The following DSCAM variants were observed in gnomAD, a reference collection of about 807,000 sequenced individuals.
DSCAM encodes cell adhesion molecule DSCAM.
A neutral mutation model predicts 217.7 loss-of-function variants in DSCAM; 47 were observed. That is an observed-to-expected ratio of 0.22 (90% confidence interval 0.17 to 0.28). The LOEUF is 0.28. Among genes scored for constraint, DSCAM ranks in the 10% least tolerant of loss-of-function variants. The pLI, the probability that DSCAM is intolerant of heterozygous loss-of-function variation, is 1.00. For synonymous variants in DSCAM, 1,056 were observed against 1,015.3 expected (o/e 1.04, Z -0.76); for missense variants, 2,080 against 2,618.3 (o/e 0.79, Z 4.49).
intron 30 of DSCAM, among the ~76,000 whole-genome samples, chr21:40,051,028 C>A (rs2088922539): frequency 6.6e-6 from 1 of 152,180 alleles, no homozygotes; most frequent in South Asian, 2.1e-4. Context: ...AATGGGTTTA[C>A]TTCATAAAGC....
chr21:40,671,747 T>C (rs1257016094), intron 3 of DSCAM, among the ~76,000 whole-genome samples: 8 of 142,766 alleles, frequency 5.6e-5, no homozygotes, highest in Non-Finnish European at 1.1e-4. Context: ...ATAGTTTAAA[T>C]TTATAAAAAT....
At chr21:40,801,777 G>A (rs372688395) in intron 1 of DSCAM, among the ~76,000 whole-genome samples, 3 of 152,306 alleles carry the variant, frequency 2.0e-5, no homozygotes, top group African/African-American at 7.2e-5. Context: ...TGCATGTGGT[G>A]CTAATTCTCA....
intron 1 of DSCAM, among the ~76,000 whole-genome samples, chr21:40,768,310 G>A (rs898533706): frequency 7.2e-5 from 11 of 151,738 alleles, no homozygotes; most frequent in African/African-American, 1.7e-4. Flanking sequence ...ATTACCTTAC[G>A]GTGACACCCC....
At chr21:40,389,397 G>A (rs1382516379) in intron 3 of DSCAM, among the ~76,000 whole-genome samples, 1 of 152,174 alleles carries the variant, frequency 6.6e-6, no homozygotes, top group Admixed American at 6.5e-5. Flanking sequence ...CATCTGATTA[G>A]TGGGCACCAC....
intron 28 of DSCAM, among the ~76,000 whole-genome samples, chr21:40,060,115 A>G (rs950571932): frequency 1.3e-5 from 2 of 152,176 alleles, no homozygotes; most frequent in African/African-American, 2.4e-5. Flanking sequence ...CTTTTCAATC[A>G]CTTTGACCAT....
chr21:40,410,226 G>A (rs896940718), intron 3 of DSCAM, among the ~76,000 whole-genome samples: 3 of 152,138 alleles, frequency 2.0e-5, no homozygotes, highest in African/African-American at 7.2e-5. Context: ...AATTATCATT[G>A]GTTGGGATTA....
At chr21:40,332,015 G>A (rs1453512327) in intron 8 of DSCAM, among the ~76,000 whole-genome samples, 2 of 152,142 alleles carry the variant, frequency 1.3e-5, no homozygotes, top group African/African-American at 4.8e-5. Context: ...AGACACTCAG[G>A]TGCCACATCG....
intron 3 of DSCAM, among the ~76,000 whole-genome samples, chr21:40,563,966 G>C (rs983674395): frequency 2.6e-5 from 4 of 152,208 alleles, no homozygotes; most frequent in African/African-American, 9.6e-5. Context: ...AAGGGAGGCA[G>C]AGTGAGAGCA....
chr21:40,522,553 G>T (rs73364908), intron 3 of DSCAM, among the ~76,000 whole-genome samples: 2,349 of 152,262 alleles, frequency 0.015, 59 homozygotes, highest in African/African-American at 0.049. Context: ...TGGCTCCTCA[G>T]TTTCAAAAGT....
intron 11 of DSCAM, among the ~76,000 whole-genome samples, chr21:40,235,443 A>C (rs954534893): frequency 6.6e-6 from 1 of 152,208 alleles, no homozygotes; most frequent in Non-Finnish European, 1.5e-5. Context: ...GCCGATAATT[A>C]AGACTAAGAG....
chr21:40,150,027 A>T (rs1306692711), intron 16 of DSCAM, among the ~76,000 whole-genome samples: 1 of 152,194 alleles, frequency 6.6e-6, no homozygotes, highest in Non-Finnish European at 1.5e-5. Flanking sequence ...TACCACCTCC[A>T]CTTCCACTTA....
chr21:40,505,086 A>AC (rs750217734), intron 3 of DSCAM, among the ~76,000 whole-genome samples: 3 of 152,122 alleles, frequency 2.0e-5, no homozygotes. Flanking sequence ...ACTGTGTCCC[A>AC]CCTCCTGGTT....
intron 4 of DSCAM, among the ~76,000 whole-genome samples, chr21:40,363,559 C>A (rs2074792394): frequency 6.6e-6 from 1 of 152,002 alleles, no homozygotes; most frequent in Non-Finnish European, 1.5e-5. Context: ...ACCACAAATA[C>A]CAATAGTTTC....
At chr21:40,572,978 C>G (rs1432291583) in intron 3 of DSCAM, among the ~76,000 whole-genome samples, 1 of 152,198 alleles carries the variant, frequency 6.6e-6, no homozygotes. Flanking sequence ...ACATGAAACA[C>G]TTGCTAAGAT....
intron 10 of DSCAM, among the ~76,000 whole-genome samples, chr21:40,282,453 T>TGGTAGCGGGCGC (rs1340822189): frequency 4.6e-5 from 7 of 150,592 alleles, no homozygotes; most frequent in African/African-American, 1.7e-4. Flanking sequence ...TAGCCGGGCG[T>TGGTAGCGGGCGC]GGTAGCGGGC....
intron 3 of DSCAM, among the ~76,000 whole-genome samples, chr21:40,686,234 T>TC (rs2090475256): frequency 3.4e-4 from 8 of 23,412 alleles, no homozygotes; most frequent in South Asian, 1.9e-3. Context: ...CACACAGAGC[T>TC]CACACACCAC....
chr21:40,212,482 C>T (rs560501423), intron 11 of DSCAM: 17 of 154,282 alleles, frequency 1.1e-4, no homozygotes, highest in African/African-American at 4.1e-4. Flanking sequence ...TTGGACAGTA[C>T]ATCCTTTCCC....
At chr21:40,035,951 T>C (rs1225911116) in intron 32 of DSCAM, among the ~76,000 whole-genome samples, 1 of 148,878 alleles carries the variant, frequency 6.7e-6, no homozygotes, top group Non-Finnish European at 1.5e-5. Context: ...GAAATAAAGA[T>C]GTTCTTTGAA....
intron 3 of DSCAM, among the ~76,000 whole-genome samples, chr21:40,642,398 G>T (rs1040389943): frequency 5.9e-5 from 9 of 152,122 alleles, no homozygotes; most frequent in African/African-American, 1.9e-4. Context: ...ATAGTTAAAA[G>T]CACCCATTAG....
Sources: allele counts gnomAD v4.1 joint callset (sites outside exome capture counted in the v4.1 genomes callset), GRCh38; gene constraint gnomAD v4.1.1; transcripts MANE v1.5; gene names NCBI Gene and HGNC (gene_info 2026-07-23, HGNC 2026-07-21).